The following ASCC3 variants were observed in gnomAD, a reference collection of about 807,000 sequenced individuals.
The protein encoded by ASCC3 is ASC-1 complex subunit P200.
Under a neutral mutation model 256.3 loss-of-function variants are expected in ASCC3, and 158 were observed. The ratio of observed to expected loss-of-function variants is 0.62; its 90% confidence interval spans 0.54 to 0.70. ASCC3 has a LOEUF of 0.70. ASCC3 is among the 30% of genes least tolerant of loss of function. ASCC3 has a pLI of 0.00. For synonymous variants in ASCC3, 948 were observed against 883.4 expected (o/e 1.07, Z -1.30); for missense variants, 2,259 against 2,626.0 (o/e 0.86, Z 3.05).
At chr6:100,522,389 T>C (rs1311097318) in intron 37 of ASCC3, among the ~76,000 whole-genome samples, 1 of 151,864 alleles carries the variant, frequency 6.6e-6, no homozygotes, top group African/African-American at 2.4e-5. Flanking sequence ...AACAATAGGG[T>C]TTTCATTTAC....
chr6:100,745,250 C>A (rs549371502), intron 10 of ASCC3, among the ~76,000 whole-genome samples: 1 of 152,188 alleles, frequency 6.6e-6, no homozygotes, highest in East Asian at 1.9e-4. Context: ...TCGCTTGAAC[C>A]TGGGATGCAG....
intron 36 of ASCC3, among the ~76,000 whole-genome samples, chr6:100,549,985 C>A (rs1486247632): frequency 6.6e-6 from 1 of 151,750 alleles, no homozygotes; most frequent in Non-Finnish European, 1.5e-5. Flanking sequence ...TAAGGAGCAT[C>A]TGAGGTTTAA....
rs1172723711 is a variant in ASCC3, at chr6:100,816,080, C to G, written c.802-10200G>C. ...TTAACAAGCAAAAGACAAACAATCC[C>G]ATTAGGAAGTGGGCAAAGGACATGA... On this transcript the variant is annotated intron_variant, in intron 4 of 41. Transcript: ENST00000369162. Among the ~76,000 whole-genome samples the G allele has an allele frequency of 2.0e-5, 3 of 151,814 alleles. No individual in the cohort carries two copies. In the East Asian group the frequency reaches 5.8e-4, roughly 29 times the overall value.
intron 36 of ASCC3, among the ~76,000 whole-genome samples, chr6:100,562,325 T>TA (rs1769997078): frequency 6.6e-6 from 1 of 152,038 alleles, no homozygotes; most frequent in African/African-American, 2.4e-5. Context: ...AATCAAAAGG[T>TA]ATCACTGGAA....
chr6:100,589,591 C>T (rs764522093), intron 36 of ASCC3, 43 bp downstream of exon 36: 1 of 1,609,618 alleles, frequency 6.2e-7, no homozygotes, highest in South Asian at 1.1e-5. Context: ...AAACTTTAAG[C>T]CCTAAATTAA....
At chr6:100,788,172 G>C (rs899216468) in intron 8 of ASCC3, among the ~76,000 whole-genome samples, 2 of 151,872 alleles carry the variant, frequency 1.3e-5, no homozygotes, top group African/African-American at 4.8e-5. Flanking sequence ...TATTTAAGCA[G>C]AAATCTCACC....
chr6:100,662,255 C>A, intron 15 of ASCC3, 90 bp downstream of exon 15: 1 of 1,354,936 alleles, frequency 7.4e-7, no homozygotes, highest in Non-Finnish European at 1.0e-6. Context: ...AGGAAACAGC[C>A]AAATCACAAT....
chr6:100,631,296 T>C (rs1774531641), intron 25 of ASCC3, 83 bp from the exon 26 acceptor site: 2 of 1,076,098 alleles, frequency 1.9e-6, no homozygotes, highest in Admixed American at 3.8e-5. Context: ...AAAAAATTTG[T>C]CAAAATATGA....
chr6:100,707,171 C>T (rs560105161), intron 13 of ASCC3, among the ~76,000 whole-genome samples: 71 of 152,182 alleles, frequency 4.7e-4, no homozygotes, highest in Middle Eastern at 3.4e-3. Context: ...ACAGTATTTC[C>T]TTATAACCCA....
chr6:100,856,237 T>C (rs968670828), intron 3 of ASCC3: 2 of 317,978 alleles, frequency 6.3e-6, no homozygotes, highest in East Asian at 3.4e-4. Flanking sequence ...ATATTTGAGC[T>C]GAATGTATTC....
intron 8 of ASCC3, among the ~76,000 whole-genome samples, chr6:100,793,517 C>T (rs1769453198): frequency 6.6e-6 from 1 of 151,842 alleles, no homozygotes; most frequent in African/African-American, 2.4e-5. Context: ...GAAATATTAA[C>T]AAATTATGAA....
In ASCC3 at chr6:100,648,852, A is replaced by T. The variant is rs141422525; in HGVS notation, c.3253-1401T>A. ...CCATATGACAAGATACAAACAGGAC[A>T]TGTTAATCTAGAATGATATAAATTG... On this transcript the variant is annotated intron_variant, in intron 20 of 41. Transcript: ENST00000369162. Among the ~76,000 whole-genome samples, 677 of 152,070 alleles carry T rather than the reference A, an allele frequency of 4.5e-3. 24 individuals are homozygous for T. The highest frequency in any genetic ancestry group is 0.041 in the Admixed American group (622 of 15,260).
intron 30 of ASCC3, among the ~76,000 whole-genome samples, chr6:100,616,272 G>A (rs1053032435): frequency 1.3e-5 from 2 of 152,092 alleles, no homozygotes; most frequent in African/African-American, 2.4e-5. Context: ...AATGAGATTA[G>A]GTGGATTATG....
Position 100,855,565 on chromosome 6 carries a change from A to G in ASCC3, c.242-6858T>C, listed in dbSNP as rs1772904093. On this transcript the variant is annotated intron_variant, in intron 3 of 41. Coordinates refer to ENST00000369162, the MANE Select transcript of ASCC3 (RefSeq NM_006828.4). ...TCTCTTGTAAAATGGACATAAATAT[A>G]ACACCTCTGTCTTTGAAACATTCAA... Among the ~76,000 whole-genome samples, 3 of 152,234 alleles carry G rather than the reference A, an allele frequency of 2.0e-5. No homozygotes were observed. The South Asian group carries it at 6.2e-4, about 32-fold the overall frequency.
chr6:100,777,048 T>C (rs1238495275), intron 8 of ASCC3, among the ~76,000 whole-genome samples: 2 of 152,094 alleles, frequency 1.3e-5, no homozygotes, highest in African/African-American at 4.8e-5. Context: ...ACCACTCTAA[T>C]ATTCCTCACA....
intron 8 of ASCC3, among the ~76,000 whole-genome samples, chr6:100,791,005 G>T (rs1769327239): frequency 6.6e-6 from 1 of 151,688 alleles, no homozygotes; most frequent in South Asian, 2.1e-4. Context: ...TAAGACTTGG[G>T]TGTTTCATAG....
rs776648886 is a variant in ASCC3, at chr6:100,766,636, G to T, written c.1666C>A (p.Pro556Thr). ...MTDYFSRRLE[P>T]LGIIVKELTG... ...AATTCTTTCACAATGATGCCTAGTGGCTCTAGACGTCTGCTGAAGTAATCT... is the reference window on the plus strand; with the variant it reads ...AATTCTTTCACAATGATGCCTAGTGTCTCTAGACGTCTGCTGAAGTAATCT... The change falls in exon 10 of 42, where the codon CCA becomes ACA. Residue 556 changes from proline (P) to threonine (T), a missense_variant. By Grantham distance (38) the Pro-to-Thr change is conservative. Around this residue, in one of 2 missense-constraint regions of ASCC3, gnomAD observed 1,839 missense variants for 2,206.7 expected, o/e 0.83. Coordinates refer to ENST00000369162, the MANE Select transcript of ASCC3 (RefSeq NM_006828.4). 1.1e-5 allele frequency: 17 copies of T among 1,613,960 alleles called. No individual in the cohort carries two copies. Among genetic ancestry groups the T allele is most frequent in the Middle Eastern group, 3.3e-4 (2 of 6,058 alleles).
Position 100,647,313 on chromosome 6 carries a change from A to C in ASCC3, c.3391T>G (p.Ser1131Ala). 1 of 1,614,042 alleles carries C rather than the reference A, an allele frequency of 6.2e-7. No homozygotes were observed. The highest frequency in any genetic ancestry group is 8.5e-7 in the Non-Finnish European group (1 of 1,179,968). ...WGWASPLRQFSILPPHILTRL... is the reference protein window; with the variant it reads ...WGWASPLRQFAILPPHILTRL... ...GTTAGGATGTGTGGTGGTAGGATTG[A>C]AAATTGTCTCAAAGGGCTAGCCCAA... The change falls in exon 21 of 42, where the codon TCA becomes GCA. Residue 1131 changes from serine to alanine, a missense_variant. Ser to Ala is a moderately conservative substitution (Grantham distance 99). Transcript: ENST00000369162.
chr6:100,864,146 A>T lies in ASCC3; in HGVS notation c.159T>A (p.Phe53Leu). The T allele has an allele frequency of 6.2e-7, 1 of 1,608,602 alleles. No homozygotes were observed. Among genetic ancestry groups the T allele is most frequent in the Non-Finnish European group, 8.5e-7 (1 of 1,176,752 alleles). Residue 53 changes from phenylalanine (F) to leucine (L), a missense_variant, in exon 3 of 42, where the codon TTT becomes TTA. By Grantham distance (22) the Phe-to-Leu change is conservative (BLOSUM62 0). Coordinates refer to ENST00000369162, the MANE Select transcript of ASCC3 (RefSeq NM_006828.4). ...LGLTWKKIIK[F>L]LNEKLEKSKM... ...TACTCTTCTCCAGTTTTTCATTCAA[A>T]AATTTTATTATCTTCTTCCATGTCA...
Sources: gnomAD v4.1 joint callset for allele counts (sites outside exome capture counted in the v4.1 genomes callset) on GRCh38, gnomAD v4.1.1 for gene constraint, gnomAD v4.1.1 regional missense constraint, MANE v1.5 for transcripts, NCBI Gene and HGNC (gene_info 2026-07-23, HGNC 2026-07-21) for gene names.